Variants in ARL15 observed in about 807,000 individuals in gnomAD.
ARL15 encodes the protein ARF like GTPase 15, also known as ADP-ribosylation factor-like protein 15.
Under a neutral mutation model 25.2 loss-of-function variants are expected in ARL15, and 19 were observed. The observed-to-expected ratio is 0.75, with a 90% CI of 0.53 to 1.10. The LOEUF (loss-of-function observed/expected upper bound fraction) is 1.10, where lower values mean the gene tolerates loss of function less well. Ranked by LOEUF, ARL15 falls within the 50% of genes least tolerant of loss-of-function variation. ARL15 has a pLI of 0.00. For synonymous variants in ARL15, 94 were observed against 86.8 expected (o/e 1.08, Z -0.46); for missense variants, 220 against 246.0 (o/e 0.89, Z 0.71).
intron 3 of ARL15, among the ~76,000 whole-genome samples, chr5:54,144,718 G>C (rs1240120579): frequency 6.6e-6 from 1 of 152,078 alleles, no homozygotes; most frequent in Non-Finnish European, 1.5e-5. Flanking sequence ...GATTAATAGG[G>C]ACAGACAAGT....
At position 54,158,133 on chromosome 5, in the gene ARL15, A is replaced by G. The variant is rs181242682; in HGVS notation, c.194-3494T>C. Reference sequence around the variant, plus strand: ...TAATATAATATTTAGGAGGGATACCAAAGGTCAAACCATCAAAATACCTTT... The same window carrying G: ...TAATATAATATTTAGGAGGGATACCGAAGGTCAAACCATCAAAATACCTTT... On this transcript the variant is annotated intron_variant, in intron 2 of 4. Coordinates refer to ENST00000504924, the MANE Select transcript of ARL15 (RefSeq NM_019087.3). 4.6e-5 allele frequency among the ~76,000 whole-genome samples: 7 copies of G among 152,296 alleles called. No individual in the cohort carries two copies. The East Asian group carries it at 1.4e-3, about 29-fold the overall frequency.
chr5:54,065,235 A>C (rs76232982), intron 4 of ARL15, among the ~76,000 whole-genome samples: 2,312 of 152,328 alleles, frequency 0.015, 22 homozygotes, highest in Admixed American at 0.021. Context: ...TATTCCCACC[A>C]TGTTTAGTAA....
intron 1 of ARL15, among the ~76,000 whole-genome samples, chr5:54,305,159 T>C (rs1003974946): frequency 1.3e-5 from 2 of 152,152 alleles, no homozygotes; most frequent in African/African-American, 4.8e-5. Flanking sequence ...CACCAGTCTA[T>C]ACAAAGAAAT....
intron 3 of ARL15, among the ~76,000 whole-genome samples, chr5:54,122,318 T>C (rs987784614): frequency 6.6e-6 from 1 of 152,236 alleles, no homozygotes; most frequent in Non-Finnish European, 1.5e-5. Context: ...TGTCTTCAAC[T>C]AGACATGAAC....
intron 3 of ARL15, among the ~76,000 whole-genome samples, chr5:54,132,208 C>T (rs549300186): frequency 2.6e-4 from 39 of 152,024 alleles, no homozygotes; most frequent in Middle Eastern, 3.4e-3. Flanking sequence ...CAAACACATA[C>T]GCATGCAGGC....
chr5:53,975,115 C>CT (rs1404190884), intron 4 of ARL15, among the ~76,000 whole-genome samples: 1 of 152,054 alleles, frequency 6.6e-6, no homozygotes, highest in African/African-American at 2.4e-5. Context: ...AAAATCTAAC[C>CT]TTTTTTTTCC....
chr5:53,886,671 G>A lies in ARL15; in HGVS notation c.505C>T (p.Arg169Cys), dbSNP rs1276209055. The change falls in exon 5 of 5, where the codon CGC (arginine) becomes TGC (cysteine). Residue 169 changes from arginine to cysteine, a missense_variant. Physicochemically the swap from Arg to Cys is radical, Grantham distance 180. Transcript: ENST00000504924. The part of the protein sequence containing the change: ...FELEPLARGK[R>C]WILQPCSLDD... ...AGTGAGCAGGGCTGTAGAATCCAGC[G>A]TTTTCCACGTGCAAGTGGTTCAAGT... 26 of 1,575,196 alleles carry A rather than the reference G, an allele frequency of 1.7e-5. No individual in the cohort carries two copies. The highest frequency in any genetic ancestry group is 4.6e-5 in the East Asian group (2 of 43,302).
At chr5:54,081,687 C>T (rs1333982895) in intron 4 of ARL15, among the ~76,000 whole-genome samples, 1 of 152,184 alleles carries the variant, frequency 6.6e-6, no homozygotes, top group Non-Finnish European at 1.5e-5. Context: ...TTCCTCTTCG[C>T]CTTCTGCCAT....
chr5:53,923,841 G>A (rs1364657839), intron 4 of ARL15, among the ~76,000 whole-genome samples: 1 of 151,786 alleles, frequency 6.6e-6, no homozygotes, highest in Non-Finnish European at 1.5e-5. Context: ...CTCCAGCCTG[G>A]GCAACAGAGC....
chr5:54,138,141 T>C (rs1753661112), intron 3 of ARL15, among the ~76,000 whole-genome samples: 1 of 152,162 alleles, frequency 6.6e-6, no homozygotes, highest in African/African-American at 2.4e-5. Flanking sequence ...TCTATTATTA[T>C]ATTTAGGATT....
rs544944808 is a variant in ARL15, at chr5:54,010,768, T to C, written c.462+102434A>G. ...GGCTCACGCTTGTAATCCCAGCACT[T>C]TGGGAGGCTGAGGCGCGCGGATCAC... On this transcript the variant is annotated intron_variant, in intron 4 of 4. Transcript: ENST00000504924. Among the ~76,000 whole-genome samples the C allele has an allele frequency of 5.9e-5, 9 of 152,178 alleles. No individual in the cohort carries two copies. In the East Asian group the frequency reaches 1.4e-3, roughly 23 times the overall value.
chr5:54,300,209 T>A (rs1490281451), intron 1 of ARL15, among the ~76,000 whole-genome samples: 2 of 152,086 alleles, frequency 1.3e-5, no homozygotes, highest in Non-Finnish European at 2.9e-5. Flanking sequence ...ACAGTAAAAG[T>A]GACACTGAAT....
chr5:54,015,385 C>CTGCT (rs1407953597), intron 4 of ARL15, among the ~76,000 whole-genome samples: 1 of 151,996 alleles, frequency 6.6e-6, no homozygotes, highest in Non-Finnish European at 1.5e-5. Context: ...ATGTGAAACA[C>CTGCT]TGCTAGTCCC....
intron 4 of ARL15, among the ~76,000 whole-genome samples, chr5:53,999,082 G>A (rs1748773504): frequency 6.6e-6 from 1 of 152,120 alleles, no homozygotes; most frequent in Admixed American, 6.5e-5. Flanking sequence ...AGTGGGGCCA[G>A]GAAGTGGAAG....
At chr5:54,258,586 C>T (rs1041648488) in intron 1 of ARL15, among the ~76,000 whole-genome samples, 2 of 152,164 alleles carry the variant, frequency 1.3e-5, no homozygotes, top group Admixed American at 6.5e-5. Context: ...AATTCCCATA[C>T]TGTCCCTAGA....
chr5:54,227,989 T>G (rs776431503), intron 1 of ARL15, among the ~76,000 whole-genome samples: 7 of 152,026 alleles, frequency 4.6e-5, no homozygotes, highest in Non-Finnish European at 8.8e-5. Context: ...AACCACAACA[T>G]CTTCTCAAAC....
chr5:54,284,784 G>A (rs1445975121), intron 1 of ARL15, among the ~76,000 whole-genome samples: 1 of 151,902 alleles, frequency 6.6e-6, no homozygotes, highest in Non-Finnish European at 1.5e-5. Flanking sequence ...TTGAACATCC[G>A]ACCTCAGGCC....
intron 3 of ARL15, among the ~76,000 whole-genome samples, chr5:54,128,094 A>T (rs1753317786): frequency 6.6e-6 from 1 of 152,216 alleles, no homozygotes; most frequent in African/African-American, 2.4e-5. Flanking sequence ...GCACAAATGG[A>T]CTAAGATGTT....
chr5:53,939,727 C>A (rs1746473029), intron 4 of ARL15, among the ~76,000 whole-genome samples: 1 of 151,324 alleles, frequency 6.6e-6, no homozygotes, highest in Admixed American at 6.6e-5. Flanking sequence ...AAGCGAGACT[C>A]CGTCTCAAAA....
Sources: gnomAD v4.1 joint callset for allele counts (sites outside exome capture counted in the v4.1 genomes callset) on GRCh38, gnomAD v4.1.1 for gene constraint, MANE v1.5 for transcripts, NCBI Gene and HGNC (gene_info 2026-07-23, HGNC 2026-07-21) for gene names.